The following PIK3AP1 variants were observed in gnomAD, a reference collection of about 807,000 sequenced individuals.
The protein encoded by PIK3AP1 is phosphoinositide 3-kinase adapter protein 1.
PIK3AP1 carries 21 observed loss-of-function variants against 88.1 expected under a neutral mutation model. The ratio of observed to expected loss-of-function variants is 0.24; its 90% CI spans 0.17 to 0.34. PIK3AP1 has a LOEUF of 0.34. PIK3AP1 is among the 10% of genes least tolerant of loss of function. PIK3AP1 has a pLI of 1.00. For missense variants in PIK3AP1, 828 were observed against 1,035.7 expected, an observed-to-expected ratio of 0.80 and a Z score of 2.75; for synonymous variants, 398 against 400.0, an observed-to-expected ratio of 1.00 and a Z score of 0.06.
At chr10:96,663,556 G>T (rs996072712) in intron 2 of PIK3AP1, among the ~76,000 whole-genome samples, 1 of 146,790 alleles carries the variant, frequency 6.8e-6, no homozygotes, top group African/African-American at 2.5e-5. Context: ...CTTGAACCCA[G>T]GAGGCAGAAG....
chr10:96,608,375 C>G (rs997751387), intron 14 of PIK3AP1, among the ~76,000 whole-genome samples: 1 of 152,178 alleles, frequency 6.6e-6, no homozygotes, highest in African/African-American at 2.4e-5. Context: ...CAAATTGCCC[C>G]CAGTGGGCTT....
intron 7 of PIK3AP1, among the ~76,000 whole-genome samples, chr10:96,647,686 A>G (rs1843478575): frequency 6.6e-6 from 1 of 152,214 alleles, no homozygotes; most frequent in East Asian, 1.9e-4. Context: ...TAGATTTTCC[A>G]ACACAGAGCA....
chr10:96,669,643 T>A (rs1429876170), intron 2 of PIK3AP1: 3 of 151,792 alleles, frequency 2.0e-5, no homozygotes, highest in Non-Finnish European at 2.9e-5. Context: ...ATACAAAAAA[T>A]TAGCTGGGTG....
chr10:96,695,826 T>C (rs1327447962), intron 2 of PIK3AP1, among the ~76,000 whole-genome samples: 2 of 152,164 alleles, frequency 1.3e-5, no homozygotes, highest in African/African-American at 2.4e-5. Context: ...ACAATTCCAA[T>C]TGTTAACTAG....
In PIK3AP1 at chr10:96,705,205, G is replaced by A. The variant is rs192600252; in HGVS notation, c.430+4362C>T. ...GAACATGACCAGTATTTCTTCAGTT[G>A]GGAGTCAAAAACCTCAGGTATACCA... On this transcript the variant is annotated intron_variant, in intron 2 of 16. Coordinates refer to ENST00000339364, the MANE Select transcript of PIK3AP1 (RefSeq NM_152309.3). Among the ~76,000 whole-genome samples the A allele has an allele frequency of 5.3e-5, 8 of 152,238 alleles. No homozygotes were observed. In the East Asian group the frequency reaches 1.5e-3, roughly 29 times the overall value.
At chr10:96,698,223 A>G (rs1390925740) in intron 2 of PIK3AP1, among the ~76,000 whole-genome samples, 1 of 152,222 alleles carries the variant, frequency 6.6e-6, no homozygotes, top group Admixed American at 6.5e-5. Flanking sequence ...ATCAAAGCCA[A>G]TTTTGTCTCA....
chr10:96,595,428 C>G lies in PIK3AP1; in HGVS notation c.*149G>C, dbSNP rs1362292991. On this transcript the variant is annotated 3_prime_UTR_variant, in exon 17 of 17. Coordinates refer to ENST00000339364, the MANE Select transcript of PIK3AP1 (RefSeq NM_152309.3). ...CCTTAATAAAATCTTCGAGGCAAGCCCAAACCAGCAGGGCTGCAGCATTAT... is the reference window on the plus strand; with the variant it reads ...CCTTAATAAAATCTTCGAGGCAAGCGCAAACCAGCAGGGCTGCAGCATTAT... 2 of 877,384 alleles carry G rather than the reference C, an allele frequency of 2.3e-6. No homozygotes were observed. Among genetic ancestry groups the G allele is most frequent in the African/African-American group, 1.7e-5 (1 of 59,208 alleles). The allele number at this position is 877,384 out of a possible 1,614,324, so 54.3% of individuals were successfully genotyped here. A position where few individuals can be genotyped will look rare whatever the true frequency, so the allele number is the denominator to read the frequency against.
intron 11 of PIK3AP1, 134 bp from the exon 12 acceptor site, chr10:96,620,691 G>A: frequency 1.4e-6 from 1 of 700,776 alleles, no homozygotes. Flanking sequence ...GGCCAAGAAG[G>A]GGGAGATACA....
intron 10 of PIK3AP1, among the ~76,000 whole-genome samples, chr10:96,624,310 T>C (rs1341757741): frequency 3.9e-5 from 6 of 152,190 alleles, no homozygotes; most frequent in Non-Finnish European, 8.8e-5. Context: ...ATATCTAAAC[T>C]TTGAGACTGT....
chr10:96,617,351 G>A lies in PIK3AP1; in HGVS notation c.1942-640C>T, dbSNP rs563456662. On this transcript the variant is annotated intron_variant, in intron 12 of 16. Transcript: ENST00000339364. ...ATTTTAGTCAATTAACAATAACGCC[G>A]AAGTTAAGTGCCTGAGCATTCTAGG... 1.1e-4 allele frequency among the ~76,000 whole-genome samples: 17 copies of A among 152,272 alleles called. No homozygotes were observed. In the South Asian group the frequency reaches 2.1e-3, roughly 19 times the overall value.
At chr10:96,654,287 A>G (rs1261498356) in intron 3 of PIK3AP1, among the ~76,000 whole-genome samples, 1 of 152,068 alleles carries the variant, frequency 6.6e-6, no homozygotes, top group African/African-American at 2.4e-5. Flanking sequence ...CTCAGTCTGA[A>G]CTGGTGAGGG....
chr10:96,661,857 A>G (rs1320120121), intron 2 of PIK3AP1, among the ~76,000 whole-genome samples: 1 of 149,776 alleles, frequency 6.7e-6, no homozygotes, highest in African/African-American at 2.5e-5. Flanking sequence ...GGAAAGGGAA[A>G]GGAAAGGGAA....
chr10:96,626,395 A>C (rs921861228), intron 10 of PIK3AP1, among the ~76,000 whole-genome samples: 8 of 152,242 alleles, frequency 5.3e-5, no homozygotes, highest in Non-Finnish European at 7.3e-5. Flanking sequence ...AGATTTCAAT[A>C]AATGTTAGCA....
At chr10:96,664,552 T>A (rs1843735647) in intron 2 of PIK3AP1, among the ~76,000 whole-genome samples, 1 of 150,762 alleles carries the variant, frequency 6.6e-6, no homozygotes, top group Non-Finnish European at 1.5e-5. Flanking sequence ...AATCATTTTT[T>A]TAAAATAGGC....
intron 2 of PIK3AP1, among the ~76,000 whole-genome samples, chr10:96,709,205 C>A (rs1844406364): frequency 6.6e-6 from 1 of 150,880 alleles, no homozygotes; most frequent in African/African-American, 2.4e-5. Flanking sequence ...AAGTAACATG[C>A]AAGCAGGAGA....
rs1843620385 is a variant in PIK3AP1, at chr10:96,656,795, T to C, written c.567+3A>G. On this transcript the variant is annotated splice_donor_region_variant and intron_variant, in intron 3 of 16. Transcript: ENST00000339364. ...CAGCTACCAGGCCCCCAGCAGTGCC[T>C]ACCCCACAGCGAATGCGGTCCGGCT... The C allele has an allele frequency of 1.9e-6, 3 of 1,613,928 alleles. No homozygotes were observed. The highest frequency in any genetic ancestry group is 1.3e-5 in the African/African-American group (1 of 75,012).
intron 8 of PIK3AP1, among the ~76,000 whole-genome samples, chr10:96,634,553 G>A (rs72818991): frequency 0.028 from 4,310 of 152,184 alleles, 119 homozygotes; most frequent in Non-Finnish European, 0.036. Context: ...ACATCACTAA[G>A]TTTCTATATC....
At chr10:96,703,512 C>T (rs1038669589) in intron 2 of PIK3AP1, among the ~76,000 whole-genome samples, 1 of 152,160 alleles carries the variant, frequency 6.6e-6, no homozygotes, top group Non-Finnish European at 1.5e-5. Flanking sequence ...AGAACTTTTG[C>T]AAAAACACTC....
chr10:96,651,793 CG>C, intron 4 of PIK3AP1, 142 bp from the exon 5 acceptor site: 1 of 990,320 alleles, frequency 1.0e-6, no homozygotes, highest in South Asian at 1.7e-5. Context: ...TGAGCTGGGG[CG>C]GGAGTGAGGG....
Sources: allele counts gnomAD v4.1 joint callset (sites outside exome capture counted in the v4.1 genomes callset), GRCh38; gene constraint gnomAD v4.1.1; transcripts MANE v1.5; gene names NCBI Gene and HGNC (gene_info 2026-07-23, HGNC 2026-07-21).